The following VPS13C variants were observed in gnomAD, a reference collection of about 807,000 sequenced individuals.
VPS13C encodes intermembrane lipid transfer protein VPS13C.
VPS13C carries 358 observed loss-of-function variants against 456.8 expected under a neutral mutation model. That is an observed-to-expected ratio of 0.78 (90% CI 0.72 to 0.86). VPS13C has a LOEUF of 0.86. VPS13C is among the 40% of genes least tolerant of loss of function. VPS13C has a pLI of 0.00. For synonymous variants in VPS13C, 1,578 were observed against 1,486.7 expected, an observed-to-expected ratio of 1.06 and a Z score of -1.41; for missense variants, 4,818 against 4,385.4, an observed-to-expected ratio of 1.10 and a Z score of -2.79.
chr15:61,981,971 A>G (rs2045902085), intron 21 of VPS13C, among the ~76,000 whole-genome samples: 1 of 152,014 alleles, frequency 6.6e-6, no homozygotes, highest in Admixed American at 6.5e-5. Context: ...TGAAAACTGC[A>G]TATAGTCAAT....
At chr15:61,962,915 C>A in intron 32 of VPS13C, 63 bp from the exon 33 acceptor site, 1 of 1,155,940 alleles carries the variant, frequency 8.7e-7, no homozygotes, top group South Asian at 2.1e-5. Flanking sequence ...TCTTTCTTTC[C>A]ATTACATTAT....
rs73428671 is a variant in VPS13C at position 61,859,927 on chromosome 15, A to G, written c.10952+3513T>C. ...AGAGTTAGGACCAACTAGTAAAGCT[A>G]TAGCCTAAGAAACTTAGGTCTTGAG... On this transcript the variant is annotated intron_variant, in intron 82 of 84. Transcript: ENST00000644861. Among the ~76,000 whole-genome samples, 453 of 152,198 alleles carry G rather than the reference A, an allele frequency of 3.0e-3. 2 individuals carry two copies. Among genetic ancestry groups the G allele is most frequent in the African/African-American group, 0.01 (433 of 41,530 alleles).
chr15:61,899,407 A>T (rs1453664663), intron 66 of VPS13C, among the ~76,000 whole-genome samples: 1 of 151,582 alleles, frequency 6.6e-6, no homozygotes, highest in African/African-American at 2.4e-5. Context: ...CGCAATAAAA[A>T]ATGATAAAGG....
intron 27 of VPS13C, among the ~76,000 whole-genome samples, chr15:61,970,815 T>A (rs2045523943): frequency 6.9e-6 from 1 of 145,868 alleles, no homozygotes; most frequent in Non-Finnish European, 1.5e-5. Context: ...GGTGGTCAGA[T>A]CTTTCCAATA....
rs1279837728 is a variant in VPS13C, at chr15:61,853,815, C to T, written c.*642G>A. The T allele has an allele frequency of 6.6e-6, 1 of 151,460 alleles. No homozygotes were observed. The highest frequency in any genetic ancestry group is 1.9e-4 in the East Asian group (1 of 5,170). The allele number at this position is 151,460 out of a possible 1,614,324, so 9.4% of individuals were successfully genotyped here. Reference sequence around the variant, plus strand: ...CTTTGGGAGGCTGAGGCATGCGGATCACAAGGTCAGGAGTTCGAGACTAGA... The same window carrying T: ...CTTTGGGAGGCTGAGGCATGCGGATTACAAGGTCAGGAGTTCGAGACTAGA... On this transcript the variant is annotated 3_prime_UTR_variant, in exon 85 of 85. Coordinates refer to ENST00000644861, the MANE Select transcript of VPS13C (RefSeq NM_020821.3).
At chr15:61,964,993 T>C in intron 30 of VPS13C, 132 bp from the exon 31 acceptor site, 1 of 815,410 alleles carries the variant, frequency 1.2e-6, no homozygotes, top group Non-Finnish European at 1.9e-6. Context: ...GAGTAAAAAG[T>C]GGAAGATTCA....
chr15:61,907,086 A>G, intron 66 of VPS13C, 178 bp downstream of exon 66: 1 of 722,450 alleles, frequency 1.4e-6, no homozygotes. Flanking sequence ...TGATAGAGCT[A>G]AGGTAATATA....
chr15:61,955,389 C>A (rs886383020), intron 37 of VPS13C, among the ~76,000 whole-genome samples: 3 of 152,186 alleles, frequency 2.0e-5, no homozygotes, highest in African/African-American at 7.2e-5. Flanking sequence ...ACAGTCTTCA[C>A]TCGCCACTGT....
At chr15:61,890,135 T>G in intron 67 of VPS13C, 30 bp downstream of exon 67, 1 of 1,606,832 alleles carries the variant, frequency 6.2e-7, no homozygotes, top group Non-Finnish European at 8.5e-7. Context: ...TTTTAAAGGT[T>G]TAGGATGTCT....
intron 61 of VPS13C, among the ~76,000 whole-genome samples, chr15:61,915,214 A>G (rs1221084934): frequency 3.9e-5 from 6 of 152,234 alleles, no homozygotes; most frequent in African/African-American, 1.2e-4. Context: ...AGACCAGAGC[A>G]TAAAGGATGA....
At chr15:61,983,236 G>C (rs895587520) in intron 20 of VPS13C, among the ~76,000 whole-genome samples, 4 of 152,204 alleles carry the variant, frequency 2.6e-5, no homozygotes, top group South Asian at 4.1e-4. Context: ...AATTACATCA[G>C]GGATCTCAAC....
intron 47 of VPS13C, among the ~76,000 whole-genome samples, chr15:61,940,058 C>A (rs1379955895): frequency 6.6e-6 from 1 of 151,942 alleles, no homozygotes; most frequent in East Asian, 1.9e-4. Context: ...ATGGTAACAC[C>A]TTTCTAATTA....
intron 18 of VPS13C, among the ~76,000 whole-genome samples, chr15:61,987,311 G>A (rs1481450806): frequency 1.3e-5 from 2 of 151,714 alleles, no homozygotes; most frequent in African/African-American, 4.8e-5. Flanking sequence ...TGCTAATAAA[G>A]ACATACCTGA....
intron 51 of VPS13C, among the ~76,000 whole-genome samples, chr15:61,929,270 T>A (rs1322400721): frequency 6.6e-6 from 1 of 152,218 alleles, no homozygotes; most frequent in Admixed American, 6.5e-5. Context: ...TAAAGAAATG[T>A]TCATGGCACA....
chr15:61,890,474 G>C (rs1447204589), intron 66 of VPS13C, 74 bp from the exon 67 acceptor site: 3 of 1,304,632 alleles, frequency 2.3e-6, no homozygotes, highest in Non-Finnish European at 3.2e-6. Flanking sequence ...TATAATAACA[G>C]AAAGATTAGA....
intron 58 of VPS13C, among the ~76,000 whole-genome samples, chr15:61,918,709 A>C (rs1457362487): frequency 6.6e-6 from 1 of 152,078 alleles, no homozygotes; most frequent in Non-Finnish European, 1.5e-5. Flanking sequence ...AATGTCCAAA[A>C]TTTGAAACCT....
At chr15:61,865,361 T>G in intron 81 of VPS13C, 1 of 979,956 alleles carries the variant, frequency 1.0e-6, no homozygotes, top group Non-Finnish European at 1.2e-6. Flanking sequence ...CAATGTAATG[T>G]CACCTCAATA....
At chr15:62,043,163 G>C (rs753206811) in intron 2 of VPS13C, among the ~76,000 whole-genome samples, 11 of 151,984 alleles carry the variant, frequency 7.2e-5, no homozygotes, top group South Asian at 2.1e-4. Flanking sequence ...ATATAAAAAA[G>C]AGAAAAATAT....
At chr15:61,938,642 T>C (rs541916909) in intron 47 of VPS13C, among the ~76,000 whole-genome samples, 1 of 152,346 alleles carries the variant, frequency 6.6e-6, no homozygotes, top group South Asian at 2.1e-4. Flanking sequence ...TTTTTTTTCT[T>C]GTTTCTTCTA....
Sources: allele counts gnomAD v4.1 joint callset (sites outside exome capture counted in the v4.1 genomes callset), GRCh38; gene constraint gnomAD v4.1.1; transcripts MANE v1.5; gene names NCBI Gene and HGNC (gene_info 2026-07-23, HGNC 2026-07-21).